The following GAS2 variants were observed in gnomAD, a reference collection of about 807,000 sequenced individuals.
GAS2 encodes growth arrest specific 2.
Under a neutral mutation model 37.5 loss-of-function variants are expected in GAS2, and 20 were observed. That is an observed-to-expected ratio of 0.53 (90% CI 0.37 to 0.77). GAS2 has a LOEUF of 0.77. GAS2 is among the 30% of genes least tolerant of loss of function. The probability of loss-of-function intolerance (pLI) is 0.00; values close to 1 mark genes in which losing one functional copy is unlikely to be tolerated. For synonymous variants in GAS2, 144 were observed against 132.2 expected, an observed-to-expected ratio of 1.09 and a Z score of -0.61; for missense variants, 336 against 373.4, an observed-to-expected ratio of 0.90 and a Z score of 0.82.
chr11:22,719,074 T>A (rs977810821), intron 3 of GAS2, among the ~76,000 whole-genome samples: 3 of 152,154 alleles, frequency 2.0e-5, no homozygotes, highest in Non-Finnish European at 4.4e-5. Flanking sequence ...ATTACATATA[T>A]TTATGGTGTA....
chr11:22,737,832 G>A (rs1193265292), intron 5 of GAS2, 64 bp downstream of exon 5: 3 of 1,428,168 alleles, frequency 2.1e-6, no homozygotes, highest in Non-Finnish European at 3.0e-6. Flanking sequence ...CAACACAGAA[G>A]CTTGCTGGCT....
chr11:22,752,951 G>A (rs371311944), intron 6 of GAS2, among the ~76,000 whole-genome samples: 1 of 152,046 alleles, frequency 6.6e-6, no homozygotes, highest in East Asian at 1.9e-4. Context: ...TTCTCCAGAT[G>A]TCCTGATAGA....
intron 1 of GAS2, among the ~76,000 whole-genome samples, chr11:22,636,995 AAT>A (rs908258740): frequency 7.2e-6 from 1 of 139,358 alleles, no homozygotes; most frequent in Non-Finnish European, 1.5e-5. Context: ...ATTTAACTAT[AAT>A]ATAAATATTT....
intron 1 of GAS2, among the ~76,000 whole-genome samples, chr11:22,647,257 A>C (rs1033939427): frequency 1.3e-5 from 2 of 151,534 alleles, no homozygotes; most frequent in Admixed American, 6.6e-5. Flanking sequence ...TGAACTCATC[A>C]TTTTTTATGG....
chr11:22,754,519 GTGT>G (rs537149583), intron 6 of GAS2, among the ~76,000 whole-genome samples: 95 of 152,150 alleles, frequency 6.2e-4, no homozygotes, highest in African/African-American at 2.0e-3. Flanking sequence ...CCCCAAAATA[GTGT>G]TGGTTCTCTT....
chr11:22,703,131 C>A (rs1302226435), intron 3 of GAS2, among the ~76,000 whole-genome samples: 1 of 152,112 alleles, frequency 6.6e-6, no homozygotes, highest in Non-Finnish European at 1.5e-5. Context: ...ACACATTTTT[C>A]ATCTACGTGA....
intron 1 of GAS2, among the ~76,000 whole-genome samples, chr11:22,641,218 A>ATGTG (rs1162937201): frequency 2.8e-5 from 4 of 142,202 alleles, no homozygotes; most frequent in Non-Finnish European, 4.6e-5. Flanking sequence ...ATATATATAT[A>ATGTG]TGTGTGTGTG....
chr11:22,782,175 G>A (rs1318062318), intron 7 of GAS2, among the ~76,000 whole-genome samples: 1 of 152,028 alleles, frequency 6.6e-6, no homozygotes, highest in Non-Finnish European at 1.5e-5. Context: ...TGCAACTATT[G>A]TGGGAATGAA....
chr11:22,781,046 A>G (rs1855534293), intron 7 of GAS2, among the ~76,000 whole-genome samples: 2 of 152,202 alleles, frequency 1.3e-5, no homozygotes, highest in Non-Finnish European at 2.9e-5. Flanking sequence ...CAGACTAGAT[A>G]GATTAAGAGG....
intron 4 of GAS2, among the ~76,000 whole-genome samples, chr11:22,733,536 T>G (rs1852592064): frequency 6.6e-6 from 1 of 151,734 alleles, no homozygotes; most frequent in African/African-American, 2.4e-5. Context: ...AACTATACAT[T>G]CATGGTCTAA....
At chr11:22,627,236 C>G (rs915985340) in intron 1 of GAS2, among the ~76,000 whole-genome samples, 2 of 152,200 alleles carry the variant, frequency 1.3e-5, no homozygotes, top group Non-Finnish European at 2.9e-5. Context: ...CTGCCTTTAG[C>G]AAATGTACAG....
At chr11:22,632,021 G>A (rs1365281621) in intron 1 of GAS2, among the ~76,000 whole-genome samples, 1 of 148,106 alleles carries the variant, frequency 6.8e-6, no homozygotes, top group Non-Finnish European at 1.5e-5. Flanking sequence ...GCTTATTCAG[G>A]ATTTTTATGT....
intron 2 of GAS2, among the ~76,000 whole-genome samples, chr11:22,684,823 G>C (rs749618359): frequency 6.6e-6 from 1 of 152,058 alleles, no homozygotes; most frequent in Non-Finnish European, 1.5e-5. Context: ...ACCTACCTCC[G>C]GCTTCCAAAA....
At chr11:22,636,742 G>A (rs1303882006) in intron 1 of GAS2, among the ~76,000 whole-genome samples, 1 of 151,450 alleles carries the variant, frequency 6.6e-6, no homozygotes, top group Non-Finnish European at 1.5e-5. Flanking sequence ...TTAATTTTAA[G>A]TTAGCCATAA....
intron 7 of GAS2, among the ~76,000 whole-genome samples, chr11:22,770,008 G>A (rs956172887): frequency 6.6e-6 from 1 of 152,210 alleles, no homozygotes; most frequent in Admixed American, 6.5e-5. Context: ...GGACATGGAT[G>A]AAACTGGAAG....
chr11:22,710,839 A>T lies in GAS2; in HGVS notation c.268-15453A>T, dbSNP rs190143539. Reference sequence around the variant, plus strand: ...CTGTTTTTCCTTCTGCAGAAGTATCATTAATTTTTTTTCCTTTAGTCCATC... The same window carrying T: ...CTGTTTTTCCTTCTGCAGAAGTATCTTTAATTTTTTTTCCTTTAGTCCATC... On this transcript the variant is annotated intron_variant, in intron 3 of 7. Coordinates refer to ENST00000454584, the MANE Select transcript of GAS2 (RefSeq NM_001143830.3). Among the ~76,000 whole-genome samples the T allele has an allele frequency of 3.0e-4, 45 of 152,300 alleles. 1 individual carries two copies. In the East Asian group the frequency reaches 8.7e-3, roughly 29 times the overall value.
intron 1 of GAS2, among the ~76,000 whole-genome samples, chr11:22,652,956 T>C (rs1479535137): frequency 1.3e-5 from 2 of 151,588 alleles, no homozygotes; most frequent in African/African-American, 4.9e-5. Flanking sequence ...ACAACCTCTT[T>C]CTTTCTTTGT....
At chr11:22,713,006 A>G (rs989714640) in intron 3 of GAS2, among the ~76,000 whole-genome samples, 7 of 150,218 alleles carry the variant, frequency 4.7e-5, no homozygotes, top group Non-Finnish European at 8.9e-5. Context: ...TGAACCCCGG[A>G]GACAGAGCCA....
At chr11:22,649,762 T>C (rs985579301) in intron 1 of GAS2, among the ~76,000 whole-genome samples, 1 of 152,058 alleles carries the variant, frequency 6.6e-6, no homozygotes, top group Non-Finnish European at 1.5e-5. Context: ...TCGGTGGTGA[T>C]ATCCCCTTTA....
Sources: gnomAD v4.1 joint callset for allele counts (sites outside exome capture counted in the v4.1 genomes callset) on GRCh38, gnomAD v4.1.1 for gene constraint, MANE v1.5 for transcripts, NCBI Gene and HGNC (gene_info 2026-07-23, HGNC 2026-07-21) for gene names.